The following SORD variants were observed in gnomAD, a reference collection of about 807,000 sequenced individuals.
SORD encodes the protein sorbitol dehydrogenase.
SORD carries 18 observed loss-of-function variants against 35.6 expected under a neutral mutation model. That is an observed-to-expected ratio of 0.51 (90% CI 0.35 to 0.75). The LOEUF (loss-of-function observed/expected upper bound fraction) is 0.75. Ranked by LOEUF, SORD falls within the 30% of genes least tolerant of loss-of-function variation. SORD has a pLI of 0.01. For synonymous variants in SORD, 106 were observed against 152.9 expected (o/e 0.69, Z 2.26); for missense variants, 250 against 390.2 (o/e 0.64, Z 3.03).
intron 5 of SORD, among the ~76,000 whole-genome samples, chr15:45,065,886 C>T (rs2141124687): frequency 6.6e-6 from 1 of 152,158 alleles, no homozygotes; most frequent in South Asian, 2.1e-4. Flanking sequence ...TGCCACTGAA[C>T]TCCAGTCTGG....
chr15:45,023,435 G>A, intron 1 of SORD, 86 bp downstream of exon 1: 1 of 1,202,624 alleles, frequency 8.3e-7, no homozygotes, highest in Non-Finnish European at 1.1e-6. Flanking sequence ...CCCACTTCCA[G>A]CCTGGCGCCG....
At chr15:45,036,316 A>C (rs1346731299) in intron 1 of SORD, 2 of 455,922 alleles carry the variant, frequency 4.4e-6, no homozygotes, top group African/African-American at 4.0e-5. Flanking sequence ...ACTTGAAGTG[A>C]AATATTCTGG....
chr15:45,069,903 G>C (rs1407199804), intron 7 of SORD: 1 of 152,112 alleles, frequency 6.6e-6, no homozygotes, highest in Non-Finnish European at 1.5e-5. Flanking sequence ...GCCCCTCAGC[G>C]ACCCACCAGC....
chr15:45,054,168 G>A (rs1313404715), intron 3 of SORD, among the ~76,000 whole-genome samples: 3 of 152,206 alleles, frequency 2.0e-5, no homozygotes, highest in South Asian at 4.1e-4. Context: ...CCAGTAATGG[G>A]ATGGCTAGGT....
chr15:45,063,765 G>A (rs192532580), intron 4 of SORD, among the ~76,000 whole-genome samples: 6 of 152,192 alleles, frequency 3.9e-5, no homozygotes, highest in African/African-American at 1.4e-4. Context: ...CTAGGAACCT[G>A]TGGAGTCCCT....
At chr15:45,056,750 T>C (rs1893224295) in intron 3 of SORD, among the ~76,000 whole-genome samples, 1 of 152,254 alleles carries the variant, frequency 6.6e-6, no homozygotes, top group Non-Finnish European at 1.5e-5. Context: ...ACATTGTGGC[T>C]TCACAGGGCC....
At chr15:45,027,495 T>C (rs1207788667) in intron 1 of SORD, among the ~76,000 whole-genome samples, 1 of 152,284 alleles carries the variant, frequency 6.6e-6, no homozygotes, top group Non-Finnish European at 1.5e-5. Context: ...GTTAATGGTA[T>C]GTGCTAACTG....
intron 1 of SORD, among the ~76,000 whole-genome samples, chr15:45,025,697 G>A (rs2576081): frequency 2.0e-5 from 3 of 151,822 alleles, no homozygotes; most frequent in African/African-American, 7.3e-5. Context: ...CTTGGGTGCA[G>A]GGGTCTGGAG....
At chr15:45,067,266 G>A (rs1488453867) in intron 5 of SORD, among the ~76,000 whole-genome samples, 1 of 152,168 alleles carries the variant, frequency 6.6e-6, no homozygotes, top group African/African-American at 2.4e-5. Flanking sequence ...GGAGGCTGAG[G>A]TGAGAGAATT....
chr15:45,027,652 G>A (rs1892697280), intron 1 of SORD, among the ~76,000 whole-genome samples: 1 of 152,234 alleles, frequency 6.6e-6, no homozygotes, highest in Non-Finnish European at 1.5e-5. Context: ...CAATAATCTT[G>A]CTTTCCACTG....
chr15:45,061,034 C>T (rs369505080), intron 3 of SORD, 33 bp from the exon 4 acceptor site: 42 of 1,613,418 alleles, frequency 2.6e-5, no homozygotes, highest in East Asian at 1.1e-4. Context: ...CTCCCACCCT[C>T]GGACATGGTG....
chr15:45,029,234 A>G (rs1052502737), intron 1 of SORD, among the ~76,000 whole-genome samples: 12 of 152,290 alleles, frequency 7.9e-5, no homozygotes, highest in Non-Finnish European at 1.3e-4. Flanking sequence ...AAAACAGGAA[A>G]TTAAATCCAG....
chr15:45,046,826 T>C (rs1358504452), intron 3 of SORD, among the ~76,000 whole-genome samples: 1 of 152,162 alleles, frequency 6.6e-6, no homozygotes, highest in African/African-American at 2.4e-5. Flanking sequence ...AAGATCAGCC[T>C]GGTCAACATG....
intron 1 of SORD, chr15:45,036,363 A>T (rs1416339616): frequency 2.2e-6 from 1 of 455,964 alleles, no homozygotes. Context: ...GAATTACTCA[A>T]TTCCTTTTAG....
intron 1 of SORD, among the ~76,000 whole-genome samples, chr15:45,032,768 C>T (rs967811698): frequency 6.6e-6 from 1 of 152,150 alleles, no homozygotes; most frequent in Non-Finnish European, 1.5e-5. Context: ...TCAAGTTTGC[C>T]AGGACCAACA....
chr15:45,038,138 TC>T (rs1319083319), intron 1 of SORD, among the ~76,000 whole-genome samples: 1,694 of 78,326 alleles, frequency 0.022, 39 homozygotes, highest in African/African-American at 0.14. Flanking sequence ...CTTCCTTCCT[TC>T]CTTCCTTCCT....
At chr15:45,056,493 A>C (rs1236442325) in intron 3 of SORD, among the ~76,000 whole-genome samples, 4 of 152,240 alleles carry the variant, frequency 2.6e-5, no homozygotes, top group Non-Finnish European at 5.9e-5. Context: ...AAGAGGATAC[A>C]AAGCAATGGA....
intron 1 of SORD, among the ~76,000 whole-genome samples, chr15:45,039,060 C>G (rs1248862328): frequency 2.0e-5 from 3 of 152,166 alleles, no homozygotes; most frequent in Non-Finnish European, 4.4e-5. Flanking sequence ...AAACTAAGTG[C>G]TATGGTGAGG....
chr15:45,023,701 G>T (rs1336331232), intron 1 of SORD, among the ~76,000 whole-genome samples: 2 of 152,262 alleles, frequency 1.3e-5, no homozygotes, highest in Admixed American at 6.5e-5. Context: ...TGCTAAGGCT[G>T]TCTGAATTAT....
Sources: allele counts gnomAD v4.1 joint callset (sites outside exome capture counted in the v4.1 genomes callset), GRCh38; gene constraint gnomAD v4.1.1; transcripts MANE v1.5; gene names NCBI Gene and HGNC (gene_info 2026-07-23, HGNC 2026-07-21).